KCNC2: variants seen among roughly 807,000 people sequenced by gnomAD.
KCNC2 encodes the protein voltage-gated potassium channel KCNC2.
KCNC2 carries 21 observed loss-of-function variants against 44.5 expected under a neutral mutation model. The observed-to-expected ratio is 0.47, with a 90% confidence interval of 0.33 to 0.68. KCNC2 has a LOEUF of 0.68. Among genes scored for constraint, KCNC2 ranks in the 30% least tolerant of loss-of-function variants. The pLI is 0.01. For missense variants in KCNC2, 589 were observed against 826.2 expected (o/e 0.71, Z 3.52); for synonymous variants, 391 against 339.1 (o/e 1.15, Z -1.68).
chr12:75,184,598 A>G (rs1892808542), intron 2 of KCNC2, among the ~76,000 whole-genome samples: 1 of 152,216 alleles, frequency 6.6e-6, no homozygotes, highest in African/African-American at 2.4e-5. Context: ...GCTCAGATCT[A>G]ATTTCCCCCA....
chr12:75,176,842 C>T (rs995409845), intron 2 of KCNC2, among the ~76,000 whole-genome samples: 1 of 151,624 alleles, frequency 6.6e-6, no homozygotes, highest in Non-Finnish European at 1.5e-5. Flanking sequence ...AACAAAAAAA[C>T]CTCAAAAAGA....
intron 2 of KCNC2, among the ~76,000 whole-genome samples, chr12:75,174,624 G>A (rs1252611874): frequency 6.6e-6 from 1 of 151,812 alleles, no homozygotes; most frequent in African/African-American, 2.4e-5. Flanking sequence ...TATCAAAGTG[G>A]TCATTTAATC....
chr12:75,160,069 C>T (rs11180382), intron 2 of KCNC2, among the ~76,000 whole-genome samples: 1,829 of 151,930 alleles, frequency 0.012, 36 homozygotes, highest in African/African-American at 0.041. Context: ...TTGTTGAAGG[C>T]CTAACCCCCA....
At chr12:75,093,812 G>A (rs1885694838) in intron 2 of KCNC2, among the ~76,000 whole-genome samples, 1 of 151,602 alleles carries the variant, frequency 6.6e-6, no homozygotes. Context: ...TTTCAATTAA[G>A]AAACATAGGT....
intron 2 of KCNC2, among the ~76,000 whole-genome samples, chr12:75,069,128 TC>T (rs1413084782): frequency 3.8e-5 from 4 of 105,924 alleles, no homozygotes; most frequent in African/African-American, 1.5e-4. Context: ...TTTTATATAA[TC>T]TTTTTTTTTT....
chr12:75,188,519 T>C (rs991505877), intron 2 of KCNC2, among the ~76,000 whole-genome samples: 1 of 152,052 alleles, frequency 6.6e-6, no homozygotes, highest in African/African-American at 2.4e-5. Flanking sequence ...ATATCTGAAA[T>C]TGAAAGTTAA....
intron 2 of KCNC2, among the ~76,000 whole-genome samples, chr12:75,162,244 T>A (rs1303597509): frequency 6.6e-6 from 1 of 151,768 alleles, no homozygotes; most frequent in Non-Finnish European, 1.5e-5. Flanking sequence ...TCCTAAAATT[T>A]ATTGAAAACT....
At position 75,042,631 on chromosome 12, in the gene KCNC2, G is replaced by A. The variant is rs1450031974; in HGVS notation, c.*474C>T. 3.0e-5 allele frequency: 37 copies of A among 1,246,638 alleles called. No homozygotes were observed. Among genetic ancestry groups the A allele is most frequent in the Middle Eastern group, 3.2e-4 (1 of 3,156 alleles). 77.2% of individuals were successfully genotyped at this position (1,246,638 alleles called of 1,614,324 possible). A position where few individuals can be genotyped will look rare whatever the true frequency, so the allele number is the denominator to read the frequency against. Reference sequence around the variant, plus strand: ...CACAGTCCCCGAACTCTGCAACATTGCTTTCAGGTGATAGAGACAAGATGG... The same window carrying A: ...CACAGTCCCCGAACTCTGCAACATTACTTTCAGGTGATAGAGACAAGATGG... On this transcript the variant is annotated 3_prime_UTR_variant, in exon 5 of 5. Coordinates refer to ENST00000549446, the MANE Select transcript of KCNC2 (RefSeq NM_139137.4).
chr12:75,203,784 G>A (rs1313713996), intron 2 of KCNC2, among the ~76,000 whole-genome samples: 2 of 151,750 alleles, frequency 1.3e-5, no homozygotes, highest in African/African-American at 4.8e-5. Flanking sequence ...ACTTATAACT[G>A]CTCTCAGCTG....
At chr12:75,045,723 A>C (rs576803970) in intron 4 of KCNC2, among the ~76,000 whole-genome samples, 2 of 151,962 alleles carry the variant, frequency 1.3e-5, no homozygotes, top group Non-Finnish European at 2.9e-5. Context: ...GTTTTAGTTT[A>C]TGCAATATGC....
chr12:75,087,798 C>A (rs1295979119), intron 2 of KCNC2, among the ~76,000 whole-genome samples: 2 of 152,024 alleles, frequency 1.3e-5, no homozygotes, highest in East Asian at 3.9e-4. Flanking sequence ...TGCCTCCTCA[C>A]CCCAGTGATC....
intron 2 of KCNC2, among the ~76,000 whole-genome samples, chr12:75,142,986 A>G (rs758184506): frequency 2.6e-5 from 4 of 152,128 alleles, no homozygotes; most frequent in Admixed American, 6.5e-5. Flanking sequence ...TTTAACACCA[A>G]TTAATAATTT....
chr12:75,116,190 G>A (rs1887648460), intron 2 of KCNC2, among the ~76,000 whole-genome samples: 1 of 152,104 alleles, frequency 6.6e-6, no homozygotes, highest in Non-Finnish European at 1.5e-5. Flanking sequence ...ACCATTTGAG[G>A]GTCATCAAGC....
chr12:75,057,373 CA>C (rs1881863091), intron 2 of KCNC2, among the ~76,000 whole-genome samples: 1 of 151,972 alleles, frequency 6.6e-6, no homozygotes, highest in Non-Finnish European at 1.5e-5. Flanking sequence ...AAAGGCCAAT[CA>C]AGTAGGAACA....
intron 2 of KCNC2, among the ~76,000 whole-genome samples, chr12:75,166,449 A>AAG (rs1389230126): frequency 6.6e-6 from 1 of 151,044 alleles, no homozygotes; most frequent in Non-Finnish European, 1.5e-5. Flanking sequence ...TGATCTAAAA[A>AAG]AAAAAAAAGT....
At chr12:75,112,517 G>A (rs755670988) in intron 2 of KCNC2, among the ~76,000 whole-genome samples, 34 of 151,762 alleles carry the variant, frequency 2.2e-4, no homozygotes, top group Non-Finnish European at 4.0e-4. Flanking sequence ...ATTATACTGC[G>A]TCCCTATTCT....
chr12:75,196,450 A>G (rs2030773154), intron 2 of KCNC2, among the ~76,000 whole-genome samples: 1 of 152,090 alleles, frequency 6.6e-6, no homozygotes, highest in African/African-American at 2.4e-5. Context: ...GAAATGAGCA[A>G]TGCTTGCCTC....
At chr12:75,174,849 G>A (rs1470354368) in intron 2 of KCNC2, among the ~76,000 whole-genome samples, 1 of 151,870 alleles carries the variant, frequency 6.6e-6, no homozygotes, top group Non-Finnish European at 1.5e-5. Context: ...TGGTTTTAAC[G>A]CATGTGTTTA....
chr12:75,133,296 C>CA (rs1297240849), intron 2 of KCNC2, among the ~76,000 whole-genome samples: 2 of 151,360 alleles, frequency 1.3e-5, no homozygotes, highest in East Asian at 3.9e-4. Context: ...ATATCCTCAA[C>CA]AAAAAAGATG....
Sources: gnomAD v4.1 joint callset for allele counts (sites outside exome capture counted in the v4.1 genomes callset) on GRCh38, gnomAD v4.1.1 for gene constraint, MANE v1.5 for transcripts, NCBI Gene and HGNC (gene_info 2026-07-23, HGNC 2026-07-21) for gene names.